CSNK1G3: variants seen among roughly 807,000 people sequenced by gnomAD.
CSNK1G3 encodes the protein casein kinase I isoform gamma-3.
Under a neutral mutation model 64.3 loss-of-function variants are expected in CSNK1G3, and 23 were observed. That is an observed-to-expected ratio of 0.36 (90% CI 0.26 to 0.51). The LOEUF is 0.51. Among genes scored for constraint, CSNK1G3 ranks in the 20% least tolerant of loss-of-function variants. The probability of loss-of-function intolerance (pLI) is 0.96; values close to 1 mark genes in which losing one functional copy is unlikely to be tolerated. For synonymous variants in CSNK1G3, 158 were observed against 162.2 expected (o/e 0.97, Z 0.20); for missense variants, 357 against 510.5 (o/e 0.70, Z 2.90).
rs369524043 is a variant in CSNK1G3 at position 123,533,044 on chromosome 5, C to T, written c.-247-12373C>T. 3.0e-3 allele frequency among the ~76,000 whole-genome samples: 463 copies of T among 151,982 alleles called. 7 individuals are homozygous for T. The highest frequency in any genetic ancestry group is 0.011 in the African/African-American group (447 of 41,530). On this transcript the variant is annotated intron_variant, in intron 1 of 12. Transcript: ENST00000345990. The stretch of plus-strand genomic sequence containing the variant: ...AAGGATGAAATTTAACTCACATACT[C>T]CCAGTTTCCCTTCTGTCTTTAAATT...
At chr5:123,579,631 G>A (rs747288551) in intron 6 of CSNK1G3, among the ~76,000 whole-genome samples, 2 of 151,878 alleles carry the variant, frequency 1.3e-5, no homozygotes, top group Non-Finnish European at 2.9e-5. Context: ...TCTGAACAAT[G>A]GTAAATGTAA....
At chr5:123,597,622 A>AT in intron 10 of CSNK1G3, among the ~76,000 whole-genome samples, 1 of 152,202 alleles carries the variant, frequency 6.6e-6, no homozygotes, top group South Asian at 2.1e-4. Flanking sequence ...TTTATTTCAC[A>AT]TGTACTTTTA....
chr5:123,551,885 T>G (rs1313121431), intron 2 of CSNK1G3, among the ~76,000 whole-genome samples: 3 of 152,206 alleles, frequency 2.0e-5, no homozygotes, highest in Non-Finnish European at 2.9e-5. Flanking sequence ...GAAATCATAT[T>G]GTACAGTTTT....
exon 13 of CSNK1G3, chr5:123,617,007 T>G (rs1432696170): frequency 6.6e-6 from 1 of 152,202 alleles, no homozygotes; most frequent in East Asian, 1.9e-4. Context: ...TTCTCTGAAC[T>G]GTTTAATAGA....
At chr5:123,574,675 A>T (rs1788806709) in intron 5 of CSNK1G3, among the ~76,000 whole-genome samples, 2 of 151,936 alleles carry the variant, frequency 1.3e-5, no homozygotes, top group Admixed American at 6.6e-5. Flanking sequence ...AAAATAAAAA[A>T]AAAAATAAGC....
chr5:123,592,328 G>C (rs1350841384), intron 10 of CSNK1G3, among the ~76,000 whole-genome samples: 1 of 151,986 alleles, frequency 6.6e-6, no homozygotes, highest in Non-Finnish European at 1.5e-5. Flanking sequence ...AGATGGATTA[G>C]AGAGGGAGTA....
intron 10 of CSNK1G3, among the ~76,000 whole-genome samples, chr5:123,592,740 CTA>C (rs3066504): frequency 2.2e-4 from 33 of 147,764 alleles, no homozygotes; most frequent in Admixed American, 2.0e-4. Context: ...CAATATTATG[CTA>C]TATATATATA....
chr5:123,534,915 C>T (rs1002905584), intron 1 of CSNK1G3, among the ~76,000 whole-genome samples: 14 of 152,094 alleles, frequency 9.2e-5, no homozygotes, highest in Admixed American at 2.6e-4. Context: ...TTGTGTTGTT[C>T]AGCATAGTGC....
intron 1 of CSNK1G3, among the ~76,000 whole-genome samples, chr5:123,522,813 A>G (rs1192515370): frequency 6.6e-6 from 1 of 152,176 alleles, no homozygotes; most frequent in African/African-American, 2.4e-5. Flanking sequence ...TGTACTTAGC[A>G]TCCTTAGTGA....
At chr5:123,538,941 A>G (rs550737936) in intron 1 of CSNK1G3, among the ~76,000 whole-genome samples, 1 of 152,298 alleles carries the variant, frequency 6.6e-6, no homozygotes, top group African/African-American at 2.4e-5. Flanking sequence ...TAAGATAGCA[A>G]AGATACCCCT....
At chr5:123,605,296 CTCTT>C (rs1037616216) in intron 11 of CSNK1G3, 39 bp from the exon 13 acceptor site, 13 of 1,548,028 alleles carry the variant, frequency 8.4e-6, no homozygotes, top group East Asian at 6.8e-5. Flanking sequence ...TTCTCTCTCT[CTCTT>C]TTTTTTCCTT....
chr5:123,559,893 G>A (rs1785349681), intron 4 of CSNK1G3, among the ~76,000 whole-genome samples: 1 of 151,974 alleles, frequency 6.6e-6, no homozygotes, highest in East Asian at 1.9e-4. Flanking sequence ...GGGCTATTTA[G>A]AGTAACTCAA....
intron 7 of CSNK1G3, 32 bp from the exon 8 acceptor site, chr5:123,588,395 C>T: frequency 6.6e-7 from 1 of 1,522,476 alleles, no homozygotes; most frequent in Non-Finnish European, 9.1e-7. Context: ...TTTAAATTAC[C>T]ACATTCTCAA....
chr5:123,526,573 A>G (rs1779116575), intron 1 of CSNK1G3, among the ~76,000 whole-genome samples: 1 of 152,172 alleles, frequency 6.6e-6, no homozygotes, highest in Non-Finnish European at 1.5e-5. Flanking sequence ...TTCCCCTTGC[A>G]GTCAACTTCT....
In CSNK1G3 at chr5:123,549,287, A is replaced by G. The variant is rs373692310; in HGVS notation, c.178+3446A>G. Among the ~76,000 whole-genome samples, 4 of 152,250 alleles carry G rather than the reference A, an allele frequency of 2.6e-5. No homozygotes were observed. The East Asian group carries it at 7.7e-4, about 29-fold the overall frequency. On this transcript the variant is annotated intron_variant, in intron 2 of 12. Coordinates refer to ENST00000345990, the Ensembl canonical transcript of CSNK1G3. ...GCTAGCTAAAATATAGGGTTGTATT[A>G]TATATGTATTTTTATTTTTCTGTAT... is the stretch of plus-strand genomic sequence containing the variant.
At chr5:123,594,500 G>T (rs1463280149) in intron 10 of CSNK1G3, among the ~76,000 whole-genome samples, 3 of 152,136 alleles carry the variant, frequency 2.0e-5, no homozygotes, top group Non-Finnish European at 4.4e-5. Flanking sequence ...CCTTTTCAAA[G>T]AACTTTTCTG....
intron 4 of CSNK1G3, among the ~76,000 whole-genome samples, chr5:123,569,789 G>C (rs1787706512): frequency 1.0e-5 from 1 of 95,706 alleles, no homozygotes; most frequent in South Asian, 2.7e-4. Context: ...CTCTTGAATA[G>C]AAAAGTTAAA....
rs184548649 is a variant in CSNK1G3, at chr5:123,604,720, A to G, written c.1087-4A>G. 216 of 1,600,432 alleles carry G rather than the reference A, an allele frequency of 1.3e-4. No homozygotes were observed. The African/African-American group carries it at 2.7e-3, about 20-fold the overall frequency. ...CATATATAAAAAATTTTTTTTTCAA[A>G]CAGGTTGTAAGTTCTACAAATGGAG... On this transcript the variant is annotated splice_region_variant and splice_polypyrimidine_tract_variant and intron_variant, in intron 10 of 12. Coordinates refer to ENST00000345990, the Ensembl canonical transcript of CSNK1G3.
chr5:123,531,475 T>C (rs909379425), intron 1 of CSNK1G3, among the ~76,000 whole-genome samples: 1 of 152,062 alleles, frequency 6.6e-6, no homozygotes, highest in African/African-American at 2.4e-5. Flanking sequence ...TGCCAGTGGC[T>C]GACATTTCTA....
Sources: allele counts gnomAD v4.1 joint callset (sites outside exome capture counted in the v4.1 genomes callset), GRCh38; gene constraint gnomAD v4.1.1; transcripts MANE v1.5; gene names NCBI Gene and HGNC (gene_info 2026-07-23, HGNC 2026-07-21).